MTUS2: variants seen among roughly 807,000 people sequenced by gnomAD.
The protein encoded by MTUS2 is microtubule-associated tumor suppressor candidate 2.
In MTUS2, 40 loss-of-function variants were observed where a neutral mutation model predicts 114.1. The ratio of observed to expected loss-of-function variants is 0.35; its 90% CI spans 0.27 to 0.46. MTUS2 has a LOEUF of 0.46. Among genes scored for constraint, MTUS2 ranks in the 20% least tolerant of loss-of-function variants. The pLI, the probability that MTUS2 is intolerant of heterozygous loss-of-function variation, is 1.00. For synonymous variants in MTUS2, 688 were observed against 672.0 expected, an observed-to-expected ratio of 1.02 and a Z score of -0.37; for missense variants, 1,679 against 1,705.4, an observed-to-expected ratio of 0.98 and a Z score of 0.27.
chr13:29,060,025 T>C (rs1285925765), intron 4 of MTUS2, among the ~76,000 whole-genome samples: 2 of 152,178 alleles, frequency 1.3e-5, no homozygotes, highest in African/African-American at 4.8e-5. Context: ...TGTCCTGCCA[T>C]TTGAGTGCTT....
At chr13:29,049,569 G>A (rs900173107) in intron 4 of MTUS2, among the ~76,000 whole-genome samples, 2 of 152,142 alleles carry the variant, frequency 1.3e-5, no homozygotes, top group Admixed American at 1.3e-4. Flanking sequence ...CTCTTGAGAT[G>A]ATTTTAAGAG....
chr13:28,900,137 C>T (rs114188396), intron 2 of MTUS2, among the ~76,000 whole-genome samples: 2,686 of 152,328 alleles, frequency 0.018, 81 homozygotes, highest in African/African-American at 0.061. Context: ...ATTTGCTCAC[C>T]TCAGCCTCCC....
intron 7 of MTUS2, among the ~76,000 whole-genome samples, chr13:29,353,406 T>A (rs1335027249): frequency 6.6e-6 from 1 of 152,168 alleles, no homozygotes; most frequent in Non-Finnish European, 1.5e-5. Context: ...GCTCAAGCAA[T>A]CTTCCTGCCT....
intron 2 of MTUS2, among the ~76,000 whole-genome samples, chr13:28,941,929 C>T (rs981871974): frequency 6.6e-5 from 10 of 152,118 alleles, no homozygotes; most frequent in Non-Finnish European, 1.2e-4. Flanking sequence ...GCAGATCTTT[C>T]GTCTTTCAAA....
intron 5 of MTUS2, among the ~76,000 whole-genome samples, chr13:29,236,705 A>G (rs1338355330): frequency 6.6e-6 from 1 of 152,206 alleles, no homozygotes; most frequent in Non-Finnish European, 1.5e-5. Flanking sequence ...CGTCTAGGCC[A>G]TGGAAGGGTC....
intron 5 of MTUS2, among the ~76,000 whole-genome samples, chr13:29,251,206 A>C (rs1897111906): frequency 6.6e-6 from 1 of 152,066 alleles, no homozygotes; most frequent in Non-Finnish European, 1.5e-5. Context: ...AAAACCTTGA[A>C]GTTCAAATCC....
chr13:29,227,639 A>T (rs576849653), intron 5 of MTUS2, among the ~76,000 whole-genome samples: 8 of 152,342 alleles, frequency 5.3e-5, no homozygotes, highest in Admixed American at 2.6e-4. Context: ...ACAAGGGAAG[A>T]TGAAATTATA....
intron 2 of MTUS2, among the ~76,000 whole-genome samples, chr13:28,868,242 A>T (rs1566186835): frequency 6.6e-6 from 1 of 152,184 alleles, no homozygotes; most frequent in Non-Finnish European, 1.5e-5. Flanking sequence ...TTATTACCTT[A>T]TAATAGTGTT....
At chr13:29,207,358 A>G (rs1334242956) in intron 5 of MTUS2, among the ~76,000 whole-genome samples, 1 of 152,172 alleles carries the variant, frequency 6.6e-6, no homozygotes, top group African/African-American at 2.4e-5. Context: ...ATACCATTAT[A>G]TCATTGGTGA....
At chr13:29,311,752 C>T (rs937206454) in intron 6 of MTUS2, among the ~76,000 whole-genome samples, 1 of 152,144 alleles carries the variant, frequency 6.6e-6, no homozygotes, top group African/African-American at 2.4e-5. Context: ...CATTCAGTGG[C>T]AACTTCAATC....
chr13:29,025,954 G>T lies in MTUS2; in HGVS notation c.1256G>T (p.Gly419Val). ...ACTGGCAAAATTTCACCATGTGCAGGTGAGAAGTTGGGTGAAAGGACATCC... is the reference window on the plus strand; with the variant it reads ...ACTGGCAAAATTTCACCATGTGCAGTTGAGAAGTTGGGTGAAAGGACATCC... ...QPTGKISPCA[G>V]EKLGERTSSS... The change falls in exon 3 of 16, where the codon GGT becomes GTT. Residue 419 changes from glycine (G) to valine (V), a missense_variant. By Grantham distance (109) the Gly-to-Val change is moderately radical (BLOSUM62 -3). This residue lies in a region of MTUS2 where 843 missense variants were observed against 770.8 expected (regional missense o/e 1.09). Coordinates refer to ENST00000612955, the MANE Select transcript of MTUS2 (RefSeq NM_001033602.4). The T allele has an allele frequency of 6.2e-7, 1 of 1,614,050 alleles. No homozygotes were observed. The highest frequency in any genetic ancestry group is 8.5e-7 in the Non-Finnish European group (1 of 1,179,888).
chr13:29,117,630 C>T (rs113995891), intron 5 of MTUS2, among the ~76,000 whole-genome samples: 274 of 152,284 alleles, frequency 1.8e-3, no homozygotes, highest in African/African-American at 6.3e-3. Flanking sequence ...GACAGGAAAG[C>T]GGCCACCCAA....
intron 5 of MTUS2, among the ~76,000 whole-genome samples, chr13:29,248,357 T>C (rs1412338643): frequency 5.3e-5 from 8 of 152,162 alleles, no homozygotes; most frequent in South Asian, 2.1e-4. Flanking sequence ...AACTTATCCA[T>C]ATAACCACCT....
intron 6 of MTUS2, chr13:29,307,695 CT>C: frequency 2.6e-6 from 3 of 1,134,702 alleles, no homozygotes; most frequent in Non-Finnish European, 4.0e-6. Flanking sequence ...TCAACGACCA[CT>C]TTTTCAAGCT....
intron 5 of MTUS2, among the ~76,000 whole-genome samples, chr13:29,137,102 GT>G (rs892566483): frequency 2.0e-5 from 3 of 152,062 alleles, no homozygotes; most frequent in Non-Finnish European, 4.4e-5. Flanking sequence ...AAAACATTTT[GT>G]TTTTTTCTGC....
At chr13:28,893,765 T>G (rs910666325) in intron 2 of MTUS2, among the ~76,000 whole-genome samples, 4 of 152,176 alleles carry the variant, frequency 2.6e-5, no homozygotes, top group Admixed American at 6.5e-5. Flanking sequence ...AGAAGACAGG[T>G]TAAACAGACA....
chr13:29,190,102 C>A (rs764293544), intron 5 of MTUS2, among the ~76,000 whole-genome samples: 2 of 152,172 alleles, frequency 1.3e-5, no homozygotes, highest in Non-Finnish European at 2.9e-5. Context: ...TCTTGGACTT[C>A]CCAGCCTCCA....
chr13:29,218,478 C>G (rs1895772986), intron 5 of MTUS2, among the ~76,000 whole-genome samples: 1 of 152,170 alleles, frequency 6.6e-6, no homozygotes, highest in Non-Finnish European at 1.5e-5. Flanking sequence ...TTAATGGTTT[C>G]TAGAATGGTA....
At chr13:29,324,775 G>T in intron 7 of MTUS2, 64 bp downstream of exon 7, 1 of 1,290,064 alleles carries the variant, frequency 7.8e-7, no homozygotes. Context: ...ATCTTATTCA[G>T]ATGTCATTAA....
Sources: gnomAD v4.1 joint callset for allele counts (sites outside exome capture counted in the v4.1 genomes callset) on GRCh38, gnomAD v4.1.1 for gene constraint, gnomAD v4.1.1 regional missense constraint, MANE v1.5 for transcripts, NCBI Gene and HGNC (gene_info 2026-07-23, HGNC 2026-07-21) for gene names.